NOL10: variants seen among roughly 807,000 people sequenced by gnomAD.
The protein encoded by NOL10 is H_NH0074G24.1.
NOL10 carries 58 observed loss-of-function variants against 103.5 expected under a neutral mutation model. The observed-to-expected ratio is 0.56, with a 90% CI of 0.45 to 0.70. The LOEUF (loss-of-function observed/expected upper bound fraction) is 0.70, where lower values mean the gene tolerates loss of function less well. Among genes scored for constraint, NOL10 ranks in the 30% least tolerant of loss-of-function variants. The pLI is 0.00. For missense variants in NOL10, 763 were observed against 807.3 expected, an observed-to-expected ratio of 0.95 and a Z score of 0.67; for synonymous variants, 287 against 282.5, an observed-to-expected ratio of 1.02 and a Z score of -0.16.
chr2:10,675,686 G>C, intron 4 of NOL10, 108 bp downstream of exon 4: 1 of 634,106 alleles, frequency 1.6e-6, no homozygotes, highest in South Asian at 2.1e-5. Context: ...ACAGTAATTT[G>C]TTATACAGCA....
intron 5 of NOL10, 83 bp downstream of exon 5, chr2:10,673,437 T>C (rs2148346495): frequency 1.2e-6 from 1 of 850,502 alleles, no homozygotes; most frequent in Non-Finnish European, 1.7e-6. Context: ...ATAAAAATAT[T>C]ATAAAACTGC....
intron 5 of NOL10, 55 bp downstream of exon 5, chr2:10,673,465 T>C (rs1405826274): frequency 2.8e-6 from 3 of 1,063,756 alleles, no homozygotes; most frequent in African/African-American, 1.6e-5. Context: ...TAAAATAAAT[T>C]CCACTCACTC....
At chr2:10,606,846 C>T (rs1676287224) in intron 14 of NOL10, among the ~76,000 whole-genome samples, 1 of 151,954 alleles carries the variant, frequency 6.6e-6, no homozygotes, top group Non-Finnish European at 1.5e-5. Context: ...TTTTCAAAAC[C>T]TTATTATACT....
chr2:10,666,755 T>A (rs1180214099), intron 8 of NOL10, among the ~76,000 whole-genome samples: 1 of 150,832 alleles, frequency 6.6e-6, no homozygotes, highest in Non-Finnish European at 1.5e-5. Flanking sequence ...TTCAGTTTGG[T>A]AAACCACTTT....
At chr2:10,678,453 G>T (rs60286502) in intron 3 of NOL10, among the ~76,000 whole-genome samples, 3,884 of 150,208 alleles carry the variant, frequency 0.026, 192 homozygotes, top group African/African-American at 0.089. Context: ...TAAAAGTAGA[G>T]CCTCTATTTC....
rs938430174 is a variant in NOL10, at chr2:10,662,897, T to G, written c.677+62A>C. 10 of 1,193,690 alleles carry G rather than the reference T, an allele frequency of 8.4e-6. No individual in the cohort carries two copies. The South Asian group carries it at 1.0e-4, about 12-fold the overall frequency. 73.9% of individuals were successfully genotyped at this position (1,193,690 alleles called of 1,614,324 possible). A position where few individuals can be genotyped will look rare whatever the true frequency, so the allele number is the denominator to read the frequency against. On this transcript the variant is annotated intron_variant, in intron 9 of 20. Transcript: ENST00000381685. ...TGTAGCAATTTATTTGAATTTAATATAGACACATTACTTAAATTAAAAGTT... is the reference window on the plus strand; with the variant it reads ...TGTAGCAATTTATTTGAATTTAATAGAGACACATTACTTAAATTAAAAGTT...
chr2:10,633,243 A>ATT lies in NOL10; in HGVS notation c.1026+11075_1026+11076dup, dbSNP rs1480408149. Among the ~76,000 whole-genome samples the ATT allele has an allele frequency of 7.2e-5, 11 of 151,744 alleles. No individual in the cohort carries two copies. In the East Asian group the frequency reaches 1.9e-3, roughly 27 times the overall value. On this transcript the variant is annotated intron_variant, in intron 13 of 20. Transcript: ENST00000381685. ...TTTTATTTTACTTAGTTATTCCGTTATTTTTTTGAGACAAGTTCTCACCAT... is the reference window on the plus strand; with the variant it reads ...TTTTATTTTACTTAGTTATTCCGTTATTTTTTTTTGAGACAAGTTCTCACCAT...
chr2:10,659,281 T>C, intron 9 of NOL10, 31 bp from the exon 10 acceptor site: 1 of 1,237,626 alleles, frequency 8.1e-7, no homozygotes, highest in Non-Finnish European at 1.1e-6. Flanking sequence ...GCTTCATGAA[T>C]ATACGGCCAA....
At chr2:10,590,623 A>G (rs987168075) in intron 17 of NOL10, among the ~76,000 whole-genome samples, 5 of 152,164 alleles carry the variant, frequency 3.3e-5, no homozygotes, top group African/African-American at 1.2e-4. Context: ...ATTCCCCCTC[A>G]GGTCAACTAA....
At chr2:10,667,034 T>C (rs941467621) in intron 8 of NOL10, among the ~76,000 whole-genome samples, 184 bp downstream of exon 8, 3 of 152,206 alleles carry the variant, frequency 2.0e-5, no homozygotes, top group East Asian at 1.9e-4. Context: ...AAAGATATTA[T>C]CATTTAAAAG....
In NOL10 at chr2:10,673,561, A is replaced by C. The variant is rs1273728145; in HGVS notation, c.290-4T>G. 2.5e-6 allele frequency: 4 copies of C among 1,571,444 alleles called. No homozygotes were observed. The highest frequency in any genetic ancestry group is 3.5e-6 in the Non-Finnish European group (4 of 1,149,912). On this transcript the variant is annotated splice_polypyrimidine_tract_variant and splice_region_variant and intron_variant, in intron 4 of 20. Coordinates refer to ENST00000381685, the MANE Select transcript of NOL10 (RefSeq NM_024894.4). ...GACAAAATTTCAAAGGTGACAACTG[A>C]AAAACAAGAAATAGGAAAAATACAA...
intron 1 of NOL10, among the ~76,000 whole-genome samples, chr2:10,686,176 T>C (rs1358950635): frequency 2.6e-5 from 4 of 152,126 alleles, no homozygotes; most frequent in Admixed American, 2.0e-4. Flanking sequence ...TGGTTATGTA[T>C]GCCATGGAAA....
chr2:10,669,913 GATA>G (rs1051854923), intron 6 of NOL10, among the ~76,000 whole-genome samples: 7 of 147,070 alleles, frequency 4.8e-5, no homozygotes, highest in Middle Eastern at 3.3e-3. Context: ...TAATAATAAT[GATA>G]ATAATAATAA....
intron 13 of NOL10, among the ~76,000 whole-genome samples, chr2:10,616,694 G>A (rs540061089): frequency 9.9e-5 from 15 of 152,204 alleles, no homozygotes; most frequent in African/African-American, 3.6e-4. Flanking sequence ...GACTACAGGT[G>A]TGTGCCACCA....
intron 17 of NOL10, among the ~76,000 whole-genome samples, chr2:10,597,581 A>C (rs778062662): frequency 6.6e-6 from 1 of 152,234 alleles, no homozygotes; most frequent in Non-Finnish European, 1.5e-5. Context: ...ACTGTTCAAC[A>C]ACAAATTATA....
chr2:10,652,429 T>C (rs1027227112), intron 12 of NOL10, among the ~76,000 whole-genome samples: 6 of 151,642 alleles, frequency 4.0e-5, no homozygotes, highest in Non-Finnish European at 7.4e-5. Flanking sequence ...AAAAAAGCCA[T>C]GGACCACTGA....
chr2:10,606,402 A>G (rs1676260736), intron 14 of NOL10, among the ~76,000 whole-genome samples: 1 of 151,926 alleles, frequency 6.6e-6, no homozygotes, highest in African/African-American at 2.4e-5. Context: ...AGGTGGGTGG[A>G]TCACCTGAGG....
intron 12 of NOL10, among the ~76,000 whole-genome samples, chr2:10,647,932 T>C (rs570544130): frequency 6.6e-6 from 1 of 152,340 alleles, no homozygotes; most frequent in African/African-American, 2.4e-5. Flanking sequence ...GCCCCTGTTC[T>C]TTTCTCTCTA....
chr2:10,671,840 T>C (rs1466804128), intron 5 of NOL10, 150 bp from the exon 6 acceptor site: 1 of 586,902 alleles, frequency 1.7e-6, no homozygotes, highest in Non-Finnish European at 3.0e-6. Context: ...CACACTCCAC[T>C]GGGATTAAGA....
Sources: gnomAD v4.1 joint callset for allele counts (sites outside exome capture counted in the v4.1 genomes callset) on GRCh38, gnomAD v4.1.1 for gene constraint, MANE v1.5 for transcripts, NCBI Gene and HGNC (gene_info 2026-07-23, HGNC 2026-07-21) for gene names.